Variants in DENND3 observed in about 807,000 individuals in gnomAD.
DENND3 encodes the protein DENN domain containing 3.
In DENND3, 88 loss-of-function variants were observed where a neutral mutation model predicts 135.1. The ratio of observed to expected loss-of-function variants is 0.65; its 90% CI spans 0.55 to 0.78. The LOEUF is 0.78. DENND3 is among the 30% of genes least tolerant of loss of function. DENND3 has a pLI of 0.00. For synonymous variants in DENND3, 693 were observed against 712.3 expected (o/e 0.97, Z 0.43); for missense variants, 1,392 against 1,688.4 (o/e 0.82, Z 3.08).
intron 16 of DENND3, among the ~76,000 whole-genome samples, chr8:141,179,763 G>A (rs557447434): frequency 9.2e-5 from 14 of 152,346 alleles, no homozygotes; most frequent in African/African-American, 3.1e-4. Flanking sequence ...CACGGATGTC[G>A]ACGTGTGTCG....
At chr8:141,176,287 CAAAAA>C (rs1274747351) in intron 14 of DENND3, 1 of 150,356 alleles carries the variant, frequency 6.7e-6, no homozygotes, top group East Asian at 1.4e-4. Context: ...AAAAACAAAA[CAAAAA>C]AAAAAAAACA....
intron 7 of DENND3, among the ~76,000 whole-genome samples, chr8:141,155,238 C>T (rs1045564451): frequency 2.0e-5 from 3 of 151,980 alleles, no homozygotes; most frequent in African/African-American, 7.3e-5. Flanking sequence ...TCGAGCTGCA[C>T]GCTTAACATT....
chr8:141,193,058 TG>T, intron 22 of DENND3: 1 of 423,448 alleles, frequency 2.4e-6, no homozygotes, highest in Non-Finnish European at 4.0e-6. Context: ...TGGCGTGCCC[TG>T]GCTGTGGACG....
At position 141,137,900 on chromosome 8, in the gene DENND3, A is replaced by C; in HGVS notation, c.386-122A>C. 1 of 936,712 alleles carries C rather than the reference A, an allele frequency of 1.1e-6. No individual in the cohort carries two copies. Among genetic ancestry groups the C allele is most frequent in the Non-Finnish European group, 1.6e-6 (1 of 625,512 alleles). The allele number at this position is 936,712 out of a possible 1,614,324, so 58.0% of individuals were successfully genotyped here. A position where few individuals can be genotyped will look rare whatever the true frequency, so the allele number is the denominator to read the frequency against. ...TCGGAAGAATGAACCCGCCTTGGAC[A>C]TGAAGGCACCACCACTGCTAACTGT... On this transcript the variant is annotated intron_variant, in intron 2 of 22. Transcript: ENST00000519811. This position sits in a 1 kb window ranked among gnomAD's most constrained non-coding sequence, Gnocchi z 4.1.
intron 18 of DENND3, among the ~76,000 whole-genome samples, chr8:141,187,174 AT>A (rs201749617): frequency 0.016 from 2,388 of 145,164 alleles, 33 homozygotes; most frequent in African/African-American, 0.046. Flanking sequence ...GCATGATAGG[AT>A]TTTTTTTTTT....
chr8:141,172,954 C>T (rs981823313), intron 13 of DENND3, among the ~76,000 whole-genome samples: 1 of 95,434 alleles, frequency 1.0e-5, no homozygotes, highest in African/African-American at 4.9e-5. Context: ...AAAATAAAAA[C>T]TAAAATAAAT....
chr8:141,190,257 G>A, intron 19 of DENND3, 27 bp from the exon 20 acceptor site: 2 of 1,467,842 alleles, frequency 1.4e-6, no homozygotes, highest in East Asian at 2.6e-5. Flanking sequence ...CAAGTTAAAG[G>A]TGTGTGTGTG....
chr8:141,177,022 C>T lies in DENND3; in HGVS notation c.2706+261C>T, dbSNP rs1822466643. ...CTGGGCAGGTGTGGGTGCCCCACTG[C>T]CCGCTCCAGACTGGCGACATCCCAG... On this transcript the variant is annotated intron_variant, in intron 15 of 22. Coordinates refer to ENST00000519811, the MANE Select transcript of DENND3 (RefSeq NM_001352890.3). 1.8e-5 allele frequency: 8 copies of T among 449,930 alleles called. No homozygotes were observed. In the East Asian group the frequency reaches 2.8e-4, roughly 16 times the overall value. 27.9% of individuals were successfully genotyped at this position (449,930 alleles called of 1,614,324 possible).
rs1231501954 is a variant in DENND3, at chr8:141,160,905, A to G, written c.1352+118A>G. On this transcript the variant is annotated intron_variant, in intron 9 of 22. Coordinates refer to ENST00000519811, the MANE Select transcript of DENND3 (RefSeq NM_001352890.3). ...CATTAGTACCATTTGCCTGGCAAAC[A>G]TGAGTGGTCCCCGCCCCCTGCCAAA... 24 of 1,320,988 alleles carry G rather than the reference A, an allele frequency of 1.8e-5. No homozygotes were observed. The South Asian group carries it at 3.5e-4, about 19-fold the overall frequency. 81.8% of individuals were successfully genotyped at this position (1,320,988 alleles called of 1,614,324 possible).
At chr8:141,135,929 A>G (rs1816737764) in intron 1 of DENND3, among the ~76,000 whole-genome samples, 1 of 152,170 alleles carries the variant, frequency 6.6e-6, no homozygotes. Context: ...GTCCTCCCAG[A>G]TCAGTGTGGT....
At chr8:141,133,133 G>C (rs926158219) in intron 1 of DENND3, among the ~76,000 whole-genome samples, 5 of 152,202 alleles carry the variant, frequency 3.3e-5, no homozygotes, top group Admixed American at 1.3e-4. Flanking sequence ...TGAGCGTGGG[G>C]GGTGGAGGGT....
intron 22 of DENND3, 82 bp downstream of exon 22, chr8:141,192,745 G>C: frequency 6.2e-7 from 1 of 1,608,224 alleles, no homozygotes; most frequent in Non-Finnish European, 8.5e-7. Context: ...CCGAGAGCCA[G>C]CCGCACGCCC....
At position 141,163,136 on chromosome 8, in the gene DENND3, G is replaced by A. The variant is rs149604098; in HGVS notation, c.1353-197G>A. 5.0e-4 allele frequency among the ~76,000 whole-genome samples: 76 copies of A among 152,298 alleles called. No homozygotes were observed. The East Asian group carries it at 0.011, about 22-fold the overall frequency. On this transcript the variant is annotated intron_variant, in intron 9 of 22. Transcript: ENST00000519811. ...CAGGAACACTGCCTCCTGTACTTTCGTTCTAGCTGGGGGAAATTTATGCTT... is the reference window on the plus strand; with the variant it reads ...CAGGAACACTGCCTCCTGTACTTTCATTCTAGCTGGGGGAAATTTATGCTT...
chr8:141,173,433 CGCT>C (rs1203130496), intron 13 of DENND3: 2 of 152,242 alleles, frequency 1.3e-5, no homozygotes, highest in Admixed American at 6.5e-5. Flanking sequence ...CCTGCCTTCC[CGCT>C]CAGCTCACCC....
At chr8:141,142,282 A>T in intron 4 of DENND3, 1 of 437,180 alleles carries the variant, frequency 2.3e-6, no homozygotes, top group Non-Finnish European at 4.6e-6. Context: ...CTGAGAATTT[A>T]TATTTGTTTG....
chr8:141,180,981 C>G, intron 17 of DENND3, 127 bp downstream of exon 17: 1 of 711,496 alleles, frequency 1.4e-6, no homozygotes, highest in Non-Finnish European at 2.2e-6. Context: ...GACAAGGTGC[C>G]TGTTGCTTTC....
intron 17 of DENND3, among the ~76,000 whole-genome samples, chr8:141,184,030 C>T (rs956869175): frequency 4.8e-4 from 73 of 152,184 alleles, no homozygotes; most frequent in African/African-American, 1.8e-3. Context: ...ATCTCTGTCC[C>T]TCTCCTGGGC....
chr8:141,133,170 G>C (rs952165638), intron 1 of DENND3, among the ~76,000 whole-genome samples: 7 of 152,180 alleles, frequency 4.6e-5, no homozygotes, highest in African/African-American at 1.7e-4. Flanking sequence ...GGAGCAGCGA[G>C]GGGCTGGGGC....
chr8:141,147,695 A>T (rs1156738070), intron 5 of DENND3, among the ~76,000 whole-genome samples: 1 of 152,230 alleles, frequency 6.6e-6, no homozygotes, highest in South Asian at 2.1e-4. Flanking sequence ...GCTTCTGTGC[A>T]TGTGTTTTTG....
Sources: gnomAD v4.1 joint callset for allele counts (sites outside exome capture counted in the v4.1 genomes callset) on GRCh38, gnomAD v4.1.1 for gene constraint, Gnocchi (gnomAD v3.1) non-coding constraint, MANE v1.5 for transcripts, NCBI Gene and HGNC (gene_info 2026-07-23, HGNC 2026-07-21) for gene names.